Variants in FGF13 observed in about 807,000 individuals in gnomAD.
The protein encoded by FGF13 is fibroblast growth factor homologous factor 2.
A neutral mutation model predicts 19.5 loss-of-function variants in FGF13; 2 were observed. The observed-to-expected ratio is 0.10, with a 90% confidence interval of 0.04 to 0.32. The LOEUF (loss-of-function observed/expected upper bound fraction) is 0.32. Ranked by LOEUF, FGF13 falls within the 10% of genes least tolerant of loss-of-function variation. FGF13 has a pLI of 1.00. For synonymous variants in FGF13, 72 were observed against 76.9 expected (o/e 0.94, Z 0.33); for missense variants, 113 against 192.7 (o/e 0.59, Z 2.45).
chrX:138,815,032 T>A (rs769653980), intron 3 of FGF13, among the ~76,000 whole-genome samples: 40 of 111,421 alleles, frequency 3.6e-4, no homozygotes, highest in Admixed American at 1.3e-3. Context: ...ATTCCTGTCA[T>A]TTGCAGCAAC....
At chrX:138,990,632 A>G in intron 1 of FGF13, 1 of 110,882 alleles carries the variant, frequency 9.0e-6, no homozygotes, top group Non-Finnish European at 1.9e-5. Flanking sequence ...TTTCGAAACC[A>G]TCAGATCTCG....
chrX:139,195,723 G>A (rs7888285), intron 1 of FGF13, among the ~76,000 whole-genome samples: 1,501 of 112,425 alleles, frequency 0.013, 27 homozygotes, highest in African/African-American at 0.046. Flanking sequence ...TCCCAACTTC[G>A]AGAACTGTAA....
At chrX:138,781,834 A>G (rs1422561288) in intron 3 of FGF13, among the ~76,000 whole-genome samples, 1 of 111,983 alleles carries the variant, frequency 8.9e-6, no homozygotes, top group Non-Finnish European at 1.9e-5. Flanking sequence ...CTGATACCAA[A>G]GCCGGGCAGA....
chrX:138,780,550 G>A (rs751411247), intron 3 of FGF13, among the ~76,000 whole-genome samples: 7 of 88,813 alleles, frequency 7.9e-5, no homozygotes, highest in Admixed American at 7.6e-4. Flanking sequence ...AACCAACAAA[G>A]ATCAAAAGAG....
chrX:138,954,095 CGAGAGAGAGA>C (rs199755534), intron 1 of FGF13, among the ~76,000 whole-genome samples: 7 of 94,169 alleles, frequency 7.4e-5, no homozygotes, highest in Non-Finnish European at 1.3e-4. Context: ...GTAAATTTAA[CGAGAGAGAGA>C]GAGAGAGAGA....
chrX:138,861,969 C>T (rs1051320340), intron 2 of FGF13, among the ~76,000 whole-genome samples: 12 of 112,013 alleles, frequency 1.1e-4, no homozygotes, highest in African/African-American at 3.2e-4. Context: ...CACCACTACA[C>T]ACCAACCTGG....
intron 2 of FGF13, among the ~76,000 whole-genome samples, chrX:138,858,649 C>T (rs762648688): frequency 2.7e-5 from 3 of 111,215 alleles, no homozygotes; most frequent in Non-Finnish European, 5.6e-5. Flanking sequence ...TGATTAATGA[C>T]GAGCTGACTC....
chrX:138,945,415 A>T (rs1311755730), intron 1 of FGF13, among the ~76,000 whole-genome samples: 2 of 111,075 alleles, frequency 1.8e-5, no homozygotes, highest in Non-Finnish European at 3.8e-5. Flanking sequence ...GCAGCAACAA[A>T]AAAAGGTAGT....
intron 3 of FGF13, among the ~76,000 whole-genome samples, chrX:138,659,287 T>C (rs1284850049): frequency 4.5e-5 from 5 of 112,099 alleles, no homozygotes; most frequent in Admixed American, 9.5e-5. Context: ...CTGGACAACA[T>C]AGCAACAACC....
At chrX:139,141,735 A>G (rs1394257443) in intron 1 of FGF13, among the ~76,000 whole-genome samples, 2 of 112,393 alleles carry the variant, frequency 1.8e-5, no homozygotes, top group Non-Finnish European at 3.7e-5. Flanking sequence ...TTCTCTTATT[A>G]ACTTATGTAT....
intron 1 of FGF13, among the ~76,000 whole-genome samples, chrX:138,996,137 C>A (rs2092041419): frequency 8.9e-6 from 1 of 112,101 alleles, no homozygotes; most frequent in African/African-American, 3.2e-5. Context: ...GTAATTTCTG[C>A]ATTTCCAATT....
chrX:138,948,452 G>C (rs1163476822), intron 1 of FGF13, among the ~76,000 whole-genome samples: 2 of 111,882 alleles, frequency 1.8e-5, no homozygotes, highest in East Asian at 5.7e-4. Flanking sequence ...TTCCTCTAGA[G>C]CTGAGGCCTT....
intron 3 of FGF13, among the ~76,000 whole-genome samples, chrX:138,672,235 C>T (rs1402141438): frequency 1.8e-5 from 2 of 111,203 alleles, no homozygotes; most frequent in African/African-American, 6.5e-5. Flanking sequence ...GGAGTTGTCA[C>T]ATTATCTGAC....
At chrX:138,730,022 C>T (rs769275983) in intron 1 of FGF13, among the ~76,000 whole-genome samples, 23 of 111,356 alleles carry the variant, frequency 2.1e-4, no homozygotes, top group African/African-American at 7.5e-4. Flanking sequence ...AGCAGATAAA[C>T]ACTAAAAGAA....
chrX:138,866,294 T>G (rs771103854), intron 1 of FGF13, among the ~76,000 whole-genome samples: 11 of 112,380 alleles, frequency 9.8e-5, no homozygotes, highest in Middle Eastern at 4.6e-3. Context: ...GAAGCAAGGG[T>G]GGCAAACCAA....
intron 1 of FGF13, among the ~76,000 whole-genome samples, chrX:138,966,426 G>A (rs1337086584): frequency 8.9e-6 from 1 of 112,142 alleles, no homozygotes; most frequent in Non-Finnish European, 1.9e-5. Flanking sequence ...TGTGAGATGA[G>A]AGACTAAGGA....
intron 1 of FGF13, among the ~76,000 whole-genome samples, chrX:139,094,771 C>T (rs1409116106): frequency 8.9e-6 from 1 of 112,332 alleles, no homozygotes; most frequent in Non-Finnish European, 1.9e-5. Flanking sequence ...AGTCCTGAGT[C>T]TTGATGCAGG....
At chrX:138,784,470 C>T (rs2090677303) in intron 3 of FGF13, among the ~76,000 whole-genome samples, 1 of 110,455 alleles carries the variant, frequency 9.1e-6, no homozygotes, top group Non-Finnish European at 1.9e-5. Flanking sequence ...ATCTTCTTGT[C>T]ATTATGTCTA....
intron 1 of FGF13, among the ~76,000 whole-genome samples, chrX:138,887,107 T>A (rs1478179025): frequency 8.9e-6 from 1 of 111,926 alleles, no homozygotes; most frequent in Non-Finnish European, 1.9e-5. Flanking sequence ...CCTAAATTAC[T>A]AACTGAGCAA....
Sources: gnomAD v4.1 joint callset for allele counts (sites outside exome capture counted in the v4.1 genomes callset) on GRCh38, gnomAD v4.1.1 for gene constraint, MANE v1.5 for transcripts, NCBI Gene and HGNC (gene_info 2026-07-23, HGNC 2026-07-21) for gene names.